The following ATXN1 variants were observed in gnomAD, a reference collection of about 807,000 sequenced individuals.
ATXN1 encodes the protein ataxin 1.
In ATXN1, 8 loss-of-function variants were observed where a neutral mutation model predicts 56.4. The ratio of observed to expected loss-of-function variants is 0.14; its 90% CI spans 0.08 to 0.26. ATXN1 has a LOEUF of 0.26. ATXN1 is among the 10% of genes least tolerant of loss of function. ATXN1 has a pLI of 1.00. For missense variants in ATXN1, 987 were observed against 1,106.5 expected (o/e 0.89, Z 1.53); for synonymous variants, 514 against 494.6 (o/e 1.04, Z -0.52).
chr6:16,603,282 A>G (rs1581876230), intron 3 of ATXN1, among the ~76,000 whole-genome samples: 3 of 152,202 alleles, frequency 2.0e-5, no homozygotes, highest in Middle Eastern at 6.8e-3. Context: ...TCTCCTTCCA[A>G]GAGGCTTTAA....
At chr6:16,411,077 A>T (rs746050528) in intron 6 of ATXN1, among the ~76,000 whole-genome samples, 1 of 148,974 alleles carries the variant, frequency 6.7e-6, no homozygotes, top group Non-Finnish European at 1.5e-5. Flanking sequence ...GTGAGCTGAG[A>T]TCACACCACG....
intron 2 of ATXN1, among the ~76,000 whole-genome samples, chr6:16,664,402 G>A (rs1197883310): frequency 6.6e-6 from 1 of 152,106 alleles, no homozygotes; most frequent in Non-Finnish European, 1.5e-5. Flanking sequence ...AACGGAAAGA[G>A]GGCAGCCCAT....
intron 6 of ATXN1, among the ~76,000 whole-genome samples, chr6:16,349,140 C>T (rs773680640): frequency 2.2e-4 from 34 of 152,098 alleles, no homozygotes; most frequent in Non-Finnish European, 3.5e-4. Flanking sequence ...GTGGTTGTTC[C>T]GATTATTTTC....
At chr6:16,531,623 CAAA>C (rs5874561) in intron 4 of ATXN1, among the ~76,000 whole-genome samples, 7 of 102,520 alleles carry the variant, frequency 6.8e-5, no homozygotes, top group South Asian at 2.9e-4. Flanking sequence ...AACTGTGTCT[CAAA>C]AAAAAAAAAA....
At chr6:16,368,735 C>T (rs1357587896) in intron 6 of ATXN1, among the ~76,000 whole-genome samples, 1 of 152,180 alleles carries the variant, frequency 6.6e-6, no homozygotes, top group African/African-American at 2.4e-5. Context: ...AATGAACAGA[C>T]TTGAGAAAAT....
intron 4 of ATXN1, among the ~76,000 whole-genome samples, chr6:16,550,932 C>T (rs1415411834): frequency 6.6e-6 from 1 of 152,130 alleles, no homozygotes; most frequent in African/African-American, 2.4e-5. Flanking sequence ...CCCCATTTTA[C>T]AGATGATAAA....
intron 5 of ATXN1, among the ~76,000 whole-genome samples, chr6:16,492,640 T>C (rs1025266884): frequency 2.6e-5 from 4 of 152,036 alleles, no homozygotes; most frequent in African/African-American, 9.7e-5. Context: ...TTCTCTGAGA[T>C]GGTACTTTCT....
intron 1 of ATXN1, among the ~76,000 whole-genome samples, chr6:16,758,847 A>G (rs1347210576): frequency 6.6e-6 from 1 of 152,226 alleles, no homozygotes; most frequent in African/African-American, 2.4e-5. Flanking sequence ...ATATTGACTG[A>G]TGCATGCACA....
chr6:16,421,359 A>C (rs2113566060), intron 6 of ATXN1, among the ~76,000 whole-genome samples: 1 of 152,268 alleles, frequency 6.6e-6, no homozygotes, highest in South Asian at 2.1e-4. Flanking sequence ...AAAAGAATGA[A>C]ATCATTTACT....
chr6:16,617,465 C>A (rs758872711), intron 3 of ATXN1, among the ~76,000 whole-genome samples: 3 of 151,682 alleles, frequency 2.0e-5, no homozygotes, highest in Non-Finnish European at 4.4e-5. Context: ...TTAAAATCTT[C>A]TAAACTCATA....
intron 6 of ATXN1, among the ~76,000 whole-genome samples, chr6:16,349,967 C>T (rs1439380411): frequency 6.6e-6 from 1 of 152,178 alleles, no homozygotes; most frequent in Non-Finnish European, 1.5e-5. Flanking sequence ...TAAATCAATG[C>T]TTTTCCTTTT....
chr6:16,568,451 T>C (rs1206905163), intron 4 of ATXN1, among the ~76,000 whole-genome samples: 1 of 152,236 alleles, frequency 6.6e-6, no homozygotes, highest in Admixed American at 6.5e-5. Flanking sequence ...AAAGTTCATT[T>C]GTAAGTCATT....
intron 5 of ATXN1, among the ~76,000 whole-genome samples, chr6:16,518,389 A>G (rs1761225710): frequency 6.6e-6 from 1 of 152,212 alleles, no homozygotes; most frequent in African/African-American, 2.4e-5. Flanking sequence ...GAGCAGGGTT[A>G]GCAGGGATTT....
chr6:16,441,774 C>G (rs1759522240), intron 6 of ATXN1, among the ~76,000 whole-genome samples: 1 of 152,004 alleles, frequency 6.6e-6, no homozygotes, highest in Admixed American at 6.5e-5. Context: ...ATACATACAA[C>G]AGATAATCTT....
Position 16,760,706 on chromosome 6 carries a change from C to A in ATXN1, c.-730+592G>T, listed in dbSNP as rs1396249934. 6.6e-6 allele frequency among the ~76,000 whole-genome samples: 1 copy of A among 151,182 alleles called. No individual in the cohort carries two copies. Reference sequence around the variant, plus strand: ...CCCCAGGGCGCCGAGGCCGGGCGACCACCCGCGGAGAAGTCCAGCCCTCCG... The same window carrying A: ...CCCCAGGGCGCCGAGGCCGGGCGACAACCCGCGGAGAAGTCCAGCCCTCCG... On this transcript the variant is annotated intron_variant, in intron 1 of 7. Coordinates refer to ENST00000436367, the MANE Select transcript of ATXN1 (RefSeq NM_001128164.2). The surrounding 1 kb of genome is among the most constrained non-coding windows in gnomAD (Gnocchi z 5.3).
intron 6 of ATXN1, among the ~76,000 whole-genome samples, chr6:16,341,637 G>A (rs1320529658): frequency 1.3e-5 from 2 of 149,094 alleles, no homozygotes; most frequent in Non-Finnish European, 3.0e-5. Context: ...TCCTGCCTCA[G>A]CCTCCCGAGT....
chr6:16,479,329 A>G (rs1215982632), intron 6 of ATXN1, among the ~76,000 whole-genome samples: 1 of 152,220 alleles, frequency 6.6e-6, no homozygotes, highest in Non-Finnish European at 1.5e-5. Context: ...ATCATGTAAC[A>G]TACTTGTTTA....
chr6:16,520,209 T>C (rs1334654247), intron 5 of ATXN1, among the ~76,000 whole-genome samples: 2 of 152,162 alleles, frequency 1.3e-5, no homozygotes, highest in African/African-American at 4.8e-5. Context: ...CCAGCCCCAT[T>C]GCATACCATG....
intron 6 of ATXN1, among the ~76,000 whole-genome samples, chr6:16,465,547 T>G (rs537500852): frequency 3.3e-5 from 5 of 152,154 alleles, no homozygotes; most frequent in Non-Finnish European, 7.4e-5. Context: ...GGAGAGCCAG[T>G]TTTTTGGCCA....
Sources: gnomAD v4.1 joint callset for allele counts (sites outside exome capture counted in the v4.1 genomes callset) on GRCh38, gnomAD v4.1.1 for gene constraint, Gnocchi (gnomAD v3.1) non-coding constraint, MANE v1.5 for transcripts, NCBI Gene and HGNC (gene_info 2026-07-23, HGNC 2026-07-21) for gene names.